Variants in MPZL3 observed in about 807,000 individuals in gnomAD.
MPZL3 encodes myelin protein zero like 3.
MPZL3 carries 23 observed loss-of-function variants against 24.8 expected under a neutral mutation model. That is an observed-to-expected ratio of 0.93 (90% CI 0.67 to 1.31). MPZL3 has a LOEUF of 1.31. Ranked by LOEUF, MPZL3 falls within the 40% of genes most tolerant of loss-of-function variation. The pLI, the probability that MPZL3 is intolerant of heterozygous loss-of-function variation, is 0.00. For synonymous variants in MPZL3, 99 were observed against 106.5 expected (o/e 0.93, Z 0.44); for missense variants, 277 against 294.9 (o/e 0.94, Z 0.44).
chr11:118,246,314 T>A (rs551623771), intron 1 of MPZL3, among the ~76,000 whole-genome samples: 1 of 152,302 alleles, frequency 6.6e-6, no homozygotes, highest in African/African-American at 2.4e-5. Context: ...CCTCTGAGTG[T>A]TCAAGTGTTA....
At position 118,226,734 on chromosome 11, in the gene MPZL3, G is replaced by T. The variant is rs909938976; in HGVS notation, c.*3160C>A. The T allele has an allele frequency of 1.3e-5, 2 of 152,184 alleles. No individual in the cohort carries two copies. Among genetic ancestry groups the T allele is most frequent in the African/African-American group, 4.8e-5 (2 of 41,440 alleles). 9.4% of individuals were successfully genotyped at this position (152,184 alleles called of 1,614,324 possible). A position where few individuals can be genotyped will look rare whatever the true frequency, so the allele number is the denominator to read the frequency against. On this transcript the variant is annotated 3_prime_UTR_variant, in exon 6 of 6. Coordinates refer to ENST00000278949, the MANE Select transcript of MPZL3 (RefSeq NM_198275.3). The stretch of plus-strand genomic sequence containing the variant: ...AGTTTATTGACTATGATGCAGTAAA[G>T]ATACCAAGAGTTACAATATTTGTGC...
intron 1 of MPZL3, among the ~76,000 whole-genome samples, chr11:118,243,793 T>C (rs1166337989): frequency 6.6e-6 from 1 of 151,868 alleles, no homozygotes; most frequent in Non-Finnish European, 1.5e-5. Context: ...AAAACCTTTC[T>C]ACTGCCTTCA....
chr11:118,241,850 G>C (rs1949503116), intron 1 of MPZL3, among the ~76,000 whole-genome samples: 1 of 152,176 alleles, frequency 6.6e-6, no homozygotes, highest in South Asian at 2.1e-4. Flanking sequence ...CCCTCCCAAA[G>C]ATGAAGATTA....
intron 1 of MPZL3, among the ~76,000 whole-genome samples, chr11:118,243,238 C>T (rs987321592): frequency 6.6e-5 from 10 of 152,282 alleles, no homozygotes; most frequent in African/African-American, 2.4e-4. Context: ...TCCTCAAGCC[C>T]TTGTCATTCT....
Position 118,235,522 on chromosome 11 carries a change from C to T in MPZL3, c.519G>A (p.Val173=). 6.2e-7 allele frequency: 1 copy of T among 1,613,976 alleles called. No homozygotes were observed. The highest frequency in any genetic ancestry group is 8.5e-7 in the Non-Finnish European group (1 of 1,179,948). Reference sequence around the variant, plus strand: ...CCATTCTCACCAGCAGCAGAGCAACCACCACGGCTGAGGGCACAAAGACAA... The same window carrying T: ...CCATTCTCACCAGCAGCAGAGCAACTACCACGGCTGAGGGCACAAAGACAA... ...SILVFVPSAV[V]VALLLVRMGR... is the part of the protein sequence containing the mutation. Residue 173 remains valine (V), a synonymous_variant, in exon 4 of 6, where the codon GTG becomes GTA. Coordinates refer to ENST00000278949, the MANE Select transcript of MPZL3 (RefSeq NM_198275.3).
At position 118,252,234 on chromosome 11, in the gene MPZL3, G is replaced by C. The variant is rs780435866; in HGVS notation, c.61C>G (p.Leu21Val). ...GCALFPLLGVLFFQGVYIVFS... is the reference protein window; with the variant it reads ...GCALFPLLGVVFFQGVYIVFS... ...CCGGAGCACTCACCCTGGAAGAACA[G>C]GACGCCCAGCAGAGGGAAGAGAGCG... Residue 21 changes from leucine (L) to valine (V), a missense_variant, in exon 1 of 6, where the codon CTG becomes GTG. Coordinates refer to ENST00000278949, the MANE Select transcript of MPZL3 (RefSeq NM_198275.3). 4.3e-6 allele frequency: 7 copies of C among 1,613,828 alleles called. No individual in the cohort carries two copies. In the South Asian group the frequency reaches 7.7e-5, roughly 18 times the overall value.
chr11:118,240,496 T>C (rs1284668179), intron 1 of MPZL3, 119 bp from the exon 2 acceptor site: 1 of 1,002,982 alleles, frequency 1.0e-6, no homozygotes, highest in African/African-American at 1.7e-5. Flanking sequence ...TATTAACAAC[T>C]ATCTTCTCAG....
chr11:118,247,022 A>C (rs888374775), intron 1 of MPZL3, among the ~76,000 whole-genome samples: 2 of 152,154 alleles, frequency 1.3e-5, no homozygotes, highest in Non-Finnish European at 2.9e-5. Flanking sequence ...AGCTGTGGGC[A>C]ACCTGACAGG....
intron 1 of MPZL3, among the ~76,000 whole-genome samples, chr11:118,251,721 T>C (rs915294999): frequency 6.6e-6 from 1 of 152,192 alleles, no homozygotes; most frequent in Non-Finnish European, 1.5e-5. Context: ...ACGAATCACA[T>C]CACATCCCTT....
intron 1 of MPZL3, among the ~76,000 whole-genome samples, chr11:118,250,158 C>A (rs1026150073): frequency 1.4e-5 from 2 of 146,772 alleles, no homozygotes; most frequent in African/African-American, 2.5e-5. Context: ...CATGTCACCA[C>A]ACCTGGCTAA....
chr11:118,251,653 T>TA lies in MPZL3; in HGVS notation c.73+568dup, dbSNP rs569576779. Among the ~76,000 whole-genome samples, 273 of 152,294 alleles carry TA rather than the reference T, an allele frequency of 1.8e-3. 12 individuals are homozygous for TA. The South Asian group carries it at 0.049, about 27-fold the overall frequency. Reference sequence around the variant, plus strand: ...AGAATTTATATGCTCTTTCTTGTATTAAAAAAAGTTATGAAAATGCTAAAG... The same window carrying TA: ...AGAATTTATATGCTCTTTCTTGTATTAAAAAAAAGTTATGAAAATGCTAAAG... On this transcript the variant is annotated intron_variant, in intron 1 of 5. Coordinates refer to ENST00000278949, the MANE Select transcript of MPZL3 (RefSeq NM_198275.3).
At chr11:118,233,861 G>A (rs758990380) in intron 4 of MPZL3, among the ~76,000 whole-genome samples, 4 of 152,064 alleles carry the variant, frequency 2.6e-5, no homozygotes, top group Non-Finnish European at 5.9e-5. Context: ...GGGCGTTGTG[G>A]TGCACACCTG....
intron 1 of MPZL3, among the ~76,000 whole-genome samples, chr11:118,251,078 CGTGTGTGTGT>C (rs3221165): frequency 0.078 from 11,263 of 144,152 alleles, 1,332 homozygotes; most frequent in African/African-American, 0.26. Context: ...GAATATTTCT[CGTGTGTGTGT>C]GTGTGTGTGT....
At chr11:118,245,694 AG>A in intron 1 of MPZL3, among the ~76,000 whole-genome samples, 1 of 152,238 alleles carries the variant, frequency 6.6e-6, no homozygotes, top group Non-Finnish European at 1.5e-5. Context: ...TCTAGTGGAA[AG>A]GGAACAAACT....
intron 5 of MPZL3, 42 bp downstream of exon 5, chr11:118,233,418 G>A (rs1231467900): frequency 2.5e-6 from 4 of 1,608,686 alleles, no homozygotes; most frequent in Admixed American, 3.3e-5. Context: ...AAGCAGGAAA[G>A]TGGGACATCA....
intron 1 of MPZL3, among the ~76,000 whole-genome samples, chr11:118,246,266 A>G (rs549375511): frequency 2.0e-5 from 3 of 152,296 alleles, no homozygotes; most frequent in African/African-American, 7.2e-5. Context: ...CACTAACAGG[A>G]TAATGATTTC....
At chr11:118,246,585 C>CT (rs71301655) in intron 1 of MPZL3, among the ~76,000 whole-genome samples, 39,231 of 123,072 alleles carry the variant, frequency 0.32, 7,780 homozygotes, top group East Asian at 0.55. Flanking sequence ...TTTTTCTTTT[C>CT]TTTTTTTTTT....
chr11:118,229,117 C>G lies in MPZL3; in HGVS notation c.*777G>C, dbSNP rs1949313352. 1 of 114,822 alleles carries G rather than the reference C, an allele frequency of 8.7e-6. No individual in the cohort carries two copies. The highest frequency in any genetic ancestry group is 8.9e-5 in the Admixed American group (1 of 11,224). 7.1% of individuals were successfully genotyped at this position (114,822 alleles called of 1,614,324 possible). On this transcript the variant is annotated 3_prime_UTR_variant, in exon 6 of 6. Transcript: ENST00000278949. Reference sequence around the variant, plus strand: ...ACTCCAGCCTGGCGACAGAGTGAGACTCTGCCTCAAAAAAAAAAAAAAAAA... The same window carrying G: ...ACTCCAGCCTGGCGACAGAGTGAGAGTCTGCCTCAAAAAAAAAAAAAAAAA...
intron 1 of MPZL3, among the ~76,000 whole-genome samples, chr11:118,250,627 C>A (rs1949609280): frequency 6.6e-6 from 1 of 152,172 alleles, no homozygotes; most frequent in Admixed American, 6.5e-5. Flanking sequence ...GTCGCCCAGG[C>A]TAGAGTGCAA....
Sources: gnomAD v4.1 joint callset for allele counts (sites outside exome capture counted in the v4.1 genomes callset) on GRCh38, gnomAD v4.1.1 for gene constraint, MANE v1.5 for transcripts, NCBI Gene and HGNC (gene_info 2026-07-23, HGNC 2026-07-21) for gene names.